Variants in POU6F2 observed in about 807,000 individuals in gnomAD.
The protein encoded by POU6F2 is POU domain, class 6, transcription factor 2.
In POU6F2, 31 loss-of-function variants were observed where a neutral mutation model predicts 71.3. The ratio of observed to expected loss-of-function variants is 0.43; its 90% CI spans 0.33 to 0.59. The LOEUF (loss-of-function observed/expected upper bound fraction) is 0.59, where lower values mean the gene tolerates loss of function less well. Among genes scored for constraint, POU6F2 ranks in the 20% least tolerant of loss-of-function variants. POU6F2 has a pLI of 0.04. For synonymous variants in POU6F2, 347 were observed against 355.7 expected, an observed-to-expected ratio of 0.98 and a Z score of 0.27; for missense variants, 783 against 856.8, an observed-to-expected ratio of 0.91 and a Z score of 1.07.
At chr7:39,064,362 T>C (rs1790715487) in intron 1 of POU6F2, among the ~76,000 whole-genome samples, 1 of 151,750 alleles carries the variant, frequency 6.6e-6, no homozygotes, top group South Asian at 2.1e-4. Context: ...GAGTTGAAAA[T>C]GAAAAGCTAG....
intron 5 of POU6F2, among the ~76,000 whole-genome samples, chr7:39,398,805 C>T (rs1191040226): frequency 6.6e-6 from 1 of 152,190 alleles, no homozygotes; most frequent in Admixed American, 6.5e-5. Flanking sequence ...TACAGCAAAA[C>T]TTATATGGGG....
intron 4 of POU6F2, among the ~76,000 whole-genome samples, chr7:39,292,985 G>T (rs1177518993): frequency 6.6e-6 from 1 of 152,076 alleles, no homozygotes; most frequent in African/African-American, 2.4e-5. Flanking sequence ...TCTTGCTTGG[G>T]CTCTGGCCGC....
intron 2 of POU6F2, among the ~76,000 whole-genome samples, chr7:39,145,106 G>C (rs1162610558): frequency 1.3e-5 from 2 of 152,122 alleles, no homozygotes; most frequent in African/African-American, 4.8e-5. Context: ...ACTTAAATCT[G>C]ATATTTCAAG....
At chr7:39,260,969 A>G (rs1171541448) in intron 4 of POU6F2, among the ~76,000 whole-genome samples, 1 of 151,030 alleles carries the variant, frequency 6.6e-6, no homozygotes, top group Non-Finnish European at 1.5e-5. Context: ...CACCACACCC[A>G]CCACCATTCA....
rs546289645 is a variant in POU6F2, at chr7:39,179,528, T to TGC, written c.278-24702_278-24701dup. Among the ~76,000 whole-genome samples the TGC allele has an allele frequency of 3.5e-3, 525 of 151,900 alleles. 2 individuals carry two copies. The highest frequency in any genetic ancestry group is 6.5e-3 in the Non-Finnish European group (443 of 67,936). ...GGGACTGAGACCGCACGCGCGCACA[T>TGC]GCGCGCACACACACACACACACGCA... On this transcript the variant is annotated intron_variant, in intron 2 of 9. Transcript: ENST00000518318.
chr7:39,210,462 T>A (rs1377075468), intron 4 of POU6F2, among the ~76,000 whole-genome samples: 1 of 152,120 alleles, frequency 6.6e-6, no homozygotes, highest in Non-Finnish European at 1.5e-5. Context: ...AATTCAGGGA[T>A]AAGTTTTCAA....
Position 39,464,281 on chromosome 7 carries a change from T to C in POU6F2, c.1758T>C (p.Tyr586=). The C allele has an allele frequency of 6.2e-7, 1 of 1,614,006 alleles. No homozygotes were observed. Among genetic ancestry groups the C allele is most frequent in the Non-Finnish European group, 8.5e-7 (1 of 1,179,902 alleles). Residue 586 remains tyrosine, a synonymous_variant, in exon 10 of 10, where the codon TAT becomes TAC. Transcript: ENST00000518318. The surrounding 1 kb of genome is among the most constrained non-coding windows in gnomAD (Gnocchi z 4.1). ...CCAAACTGAACCCTGGCCTTTTGTA[T>C]CCTGCCAGGTTTGAAAAGCTGGACA... ...LTAKLNPGLL[Y]PARFEKLDIT...
chr7:39,395,823 T>C lies in POU6F2; in HGVS notation c.973-10777T>C, dbSNP rs535085061. ...GGGTAAAGAGTGTATTGTGCTTTTC[T>C]GTAGCTAGAAACTAGAGTAACACCC... is the stretch of plus-strand genomic sequence containing the variant. On this transcript the variant is annotated intron_variant, in intron 5 of 9. Coordinates refer to ENST00000518318, the MANE Select transcript of POU6F2 (RefSeq NM_001370959.1). Among the ~76,000 whole-genome samples the C allele has an allele frequency of 3.2e-4, 49 of 152,322 alleles. No homozygotes were observed. In the East Asian group the frequency reaches 7.9e-3, roughly 25 times the overall value.
intron 5 of POU6F2, among the ~76,000 whole-genome samples, chr7:39,383,019 C>T (rs893187245): frequency 6.6e-6 from 1 of 152,030 alleles, no homozygotes; most frequent in African/African-American, 2.4e-5. Flanking sequence ...TAAAAATTAC[C>T]TTTCCGCAAA....
At chr7:39,101,664 T>C in intron 2 of POU6F2, among the ~76,000 whole-genome samples, 1 of 152,258 alleles carries the variant, frequency 6.6e-6, no homozygotes. Flanking sequence ...AATAGCATGG[T>C]AACTATAGTT....
chr7:39,014,885 A>G (rs948844515), intron 1 of POU6F2, among the ~76,000 whole-genome samples: 9 of 152,132 alleles, frequency 5.9e-5, no homozygotes, highest in Non-Finnish European at 1.2e-4. Context: ...CCTTTTGGCA[A>G]AAGTGGAACC....
Position 39,075,027 on chromosome 7 carries a change from C to T in POU6F2, c.106-10833C>T, listed in dbSNP as rs185802833. Reference sequence around the variant, plus strand: ...AACCCAACTACAGGCTCTTGGGCTCCAGTTCCCAAGCACCCACTCTGGCAC... The same window carrying T: ...AACCCAACTACAGGCTCTTGGGCTCTAGTTCCCAAGCACCCACTCTGGCAC... On this transcript the variant is annotated intron_variant, in intron 1 of 9. Transcript: ENST00000518318. Among the ~76,000 whole-genome samples the T allele has an allele frequency of 2.6e-3, 389 of 152,176 alleles. 3 individuals are homozygous for T. The highest frequency in any genetic ancestry group is 8.9e-3 in the African/African-American group (371 of 41,500).
chr7:39,194,650 C>G (rs528014234), intron 2 of POU6F2, among the ~76,000 whole-genome samples: 2 of 150,320 alleles, frequency 1.3e-5, no homozygotes, highest in Non-Finnish European at 3.0e-5. Context: ...AGCTGGCCAC[C>G]TGAGCTAGCA....
intron 1 of POU6F2, among the ~76,000 whole-genome samples, chr7:39,038,052 G>A (rs1451619143): frequency 1.3e-5 from 2 of 152,062 alleles, no homozygotes; most frequent in African/African-American, 4.8e-5. Flanking sequence ...GAATGAATGT[G>A]TGTTGGTCAC....
intron 2 of POU6F2, among the ~76,000 whole-genome samples, chr7:39,129,907 A>G (rs1348174287): frequency 1.3e-5 from 2 of 152,024 alleles, no homozygotes; most frequent in East Asian, 3.9e-4. Flanking sequence ...CTACTAAAAA[A>G]TACAAAAAAA....
At chr7:39,183,770 C>A (rs2128741956) in intron 2 of POU6F2, among the ~76,000 whole-genome samples, 1 of 152,288 alleles carries the variant, frequency 6.6e-6, no homozygotes, top group Admixed American at 6.5e-5. Flanking sequence ...AGAGTTCATA[C>A]AAACCACCTT....
chr7:39,065,657 TATAAC>T (rs1247951655), intron 1 of POU6F2, among the ~76,000 whole-genome samples: 9 of 150,688 alleles, frequency 6.0e-5, no homozygotes, highest in African/African-American at 2.0e-4. Flanking sequence ...GATAAAATAA[TATAAC>T]ATACAATTCC....
chr7:39,095,427 A>G (rs897044975), intron 2 of POU6F2, among the ~76,000 whole-genome samples: 1 of 152,194 alleles, frequency 6.6e-6, no homozygotes, highest in Non-Finnish European at 1.5e-5. Flanking sequence ...ATTAATGTCT[A>G]CAGCTGCCTG....
At chr7:38,990,292 G>T (rs367916451) in intron 1 of POU6F2, among the ~76,000 whole-genome samples, 21 of 152,156 alleles carry the variant, frequency 1.4e-4, no homozygotes, top group African/African-American at 4.3e-4. Context: ...ATTCAATAAA[G>T]GGCATCTTTT....
Sources: gnomAD v4.1 joint callset for allele counts (sites outside exome capture counted in the v4.1 genomes callset) on GRCh38, gnomAD v4.1.1 for gene constraint, Gnocchi (gnomAD v3.1) non-coding constraint, MANE v1.5 for transcripts, NCBI Gene and HGNC (gene_info 2026-07-23, HGNC 2026-07-21) for gene names.